The following ROBO2 variants were observed in gnomAD, a reference collection of about 807,000 sequenced individuals.
The protein encoded by ROBO2 is roundabout homolog 2.
Under a neutral mutation model 160.8 loss-of-function variants are expected in ROBO2, and 53 were observed. The observed-to-expected ratio is 0.33, with a 90% CI of 0.26 to 0.41. The LOEUF (loss-of-function observed/expected upper bound fraction) is 0.41. ROBO2 is among the 10% of genes least tolerant of loss of function. ROBO2 has a pLI of 1.00. For missense variants in ROBO2, 1,577 were observed against 1,722.4 expected (o/e 0.92, Z 1.49); for synonymous variants, 664 against 611.7 (o/e 1.09, Z -1.26).
At chr3:76,580,328 G>GTTTT (rs748888426) in intron 2 of ROBO2, among the ~76,000 whole-genome samples, 768 of 67,222 alleles carry the variant, frequency 0.011, 43 homozygotes, top group Non-Finnish European at 0.015. Context: ...TTTTTTTTTT[G>GTTTT]TTTTTTTTTT....
At chr3:76,669,861 T>A (rs143957359) in intron 2 of ROBO2, among the ~76,000 whole-genome samples, 390 of 152,318 alleles carry the variant, frequency 2.6e-3, no homozygotes, top group African/African-American at 9.0e-3. Flanking sequence ...GCACACATTT[T>A]TATTATTATA....
At chr3:76,716,783 C>A (rs2093386246) in intron 2 of ROBO2, among the ~76,000 whole-genome samples, 2 of 152,154 alleles carry the variant, frequency 1.3e-5, no homozygotes, top group South Asian at 4.1e-4. Flanking sequence ...GTACTTAAAT[C>A]TGCCTGTAGG....
At chr3:76,063,307 G>A (rs1391828256) in intron 2 of ROBO2, among the ~76,000 whole-genome samples, 1 of 150,458 alleles carries the variant, frequency 6.6e-6, no homozygotes, top group Non-Finnish European at 1.5e-5. Context: ...GAGCATAGGC[G>A]TTGCTCTAAG....
At chr3:77,367,626 A>G (rs920472743) in intron 2 of ROBO2, among the ~76,000 whole-genome samples, 2 of 152,234 alleles carry the variant, frequency 1.3e-5, no homozygotes, top group South Asian at 2.1e-4. Context: ...GAAGAGTTCC[A>G]ACCTTTAAGA....
rs2093374398 is a variant in ROBO2 at position 77,563,036 on chromosome 3, A to G, written c.1520-131A>G. The G allele has an allele frequency of 1.4e-5, 11 of 810,116 alleles. No individual in the cohort carries two copies. The South Asian group carries it at 1.5e-4, about 11-fold the overall frequency. 50.2% of individuals were successfully genotyped at this position (810,116 alleles called of 1,614,324 possible). ...GTAGGAGAAGCAAACATTCACTTAC[A>G]TACTTCTGATTCATGGAGATGAATT... is the stretch of plus-strand genomic sequence containing the variant. On this transcript the variant is annotated intron_variant, in intron 10 of 25. Transcript: ENST00000461745.
intron 5 of ROBO2, among the ~76,000 whole-genome samples, chr3:77,508,101 A>C (rs1018253169): frequency 6.6e-6 from 1 of 151,794 alleles, no homozygotes; most frequent in Non-Finnish European, 1.5e-5. Flanking sequence ...TGAATGTAGA[A>C]AGAAGAAGTA....
chr3:77,554,221 A>C (rs1008219794), intron 8 of ROBO2, among the ~76,000 whole-genome samples: 1 of 152,050 alleles, frequency 6.6e-6, no homozygotes, highest in African/African-American at 2.4e-5. Context: ...TGGTTTACCT[A>C]CCGAAATATT....
chr3:76,722,414 C>T (rs2093480184), intron 2 of ROBO2, among the ~76,000 whole-genome samples: 2 of 152,162 alleles, frequency 1.3e-5, no homozygotes, highest in African/African-American at 4.8e-5. Context: ...ACCACCGCAC[C>T]TGGCCAAAAC....
intron 2 of ROBO2, among the ~76,000 whole-genome samples, chr3:76,684,708 A>C (rs916537613): frequency 2.6e-5 from 4 of 152,180 alleles, no homozygotes; most frequent in Non-Finnish European, 5.9e-5. Flanking sequence ...AAATAAACAA[A>C]ATAAAAACAT....
At chr3:77,558,475 A>G (rs546546546) in intron 9 of ROBO2, among the ~76,000 whole-genome samples, 4 of 152,174 alleles carry the variant, frequency 2.6e-5, no homozygotes, top group Non-Finnish European at 5.9e-5. Flanking sequence ...AAAACAACAA[A>G]TGCTTCTGAT....
chr3:76,206,729 G>A (rs1051566883), intron 2 of ROBO2, among the ~76,000 whole-genome samples: 3 of 152,174 alleles, frequency 2.0e-5, no homozygotes, highest in Non-Finnish European at 4.4e-5. Flanking sequence ...TGGAAGATAT[G>A]CTTCATCTCT....
chr3:76,965,838 G>A (rs111242540), intron 2 of ROBO2, among the ~76,000 whole-genome samples: 5,165 of 139,756 alleles, frequency 0.037, 335 homozygotes, highest in African/African-American at 0.13. Context: ...TTATTTTTGT[G>A]GACACTAGGG....
chr3:76,408,105 G>C (rs7611096), intron 2 of ROBO2, among the ~76,000 whole-genome samples: 32,850 of 151,920 alleles, frequency 0.22, 4,417 homozygotes, highest in African/African-American at 0.38. Context: ...TATCCCTACA[G>C]CTAAAAGTAT....
At chr3:76,373,497 A>G (rs925451138) in intron 2 of ROBO2, among the ~76,000 whole-genome samples, 1 of 151,910 alleles carries the variant, frequency 6.6e-6, no homozygotes. Context: ...GGCCCATAGA[A>G]CACTCTGTTT....
At chr3:77,601,773 G>A (rs2094435129) in intron 19 of ROBO2, among the ~76,000 whole-genome samples, 1 of 152,176 alleles carries the variant, frequency 6.6e-6, no homozygotes, top group Non-Finnish European at 1.5e-5. Flanking sequence ...TTTTTGAAAT[G>A]TTAGCATGTA....
At chr3:77,550,876 C>T in exon 8 of ROBO2, 1 of 1,613,128 alleles carries the variant, frequency 6.2e-7, no homozygotes, top group Non-Finnish European at 8.5e-7. Flanking sequence ...GTGTCACCAA[C>T]TGGAGACCTC....
chr3:76,737,953 G>A lies in ROBO2; in HGVS notation c.110-360061G>A, dbSNP rs925001941. On this transcript the variant is annotated intron_variant, in intron 2 of 26. Transcript: ENST00000487694. The stretch of plus-strand genomic sequence containing the variant: ...CTTGGGTTCAAGACCAGCCTGGGTG[G>A]GAGACCCCACCTCTACAAAAAAATA... Among the ~76,000 whole-genome samples the A allele has an allele frequency of 2.6e-5, 4 of 152,022 alleles. No individual in the cohort carries two copies. The South Asian group carries it at 6.2e-4, about 24-fold the overall frequency.
chr3:77,213,728 T>G (rs574483473), intron 2 of ROBO2, among the ~76,000 whole-genome samples: 170 of 152,274 alleles, frequency 1.1e-3, no homozygotes, highest in African/African-American at 3.9e-3. Context: ...TGCTATAAAT[T>G]TCCCTCTACA....
chr3:76,661,395 G>C (rs561940040), intron 2 of ROBO2, among the ~76,000 whole-genome samples: 18 of 152,286 alleles, frequency 1.2e-4, no homozygotes, highest in African/African-American at 4.3e-4. Context: ...GATCAGTTTA[G>C]AAGTTTATTT....
Sources: allele counts gnomAD v4.1 joint callset (sites outside exome capture counted in the v4.1 genomes callset), GRCh38; gene constraint gnomAD v4.1.1; transcripts MANE v1.5; gene names NCBI Gene and HGNC (gene_info 2026-07-23, HGNC 2026-07-21).